TARBP1: variants seen among roughly 807,000 people sequenced by gnomAD.
The protein encoded by TARBP1 is tRNA guanosine 2 -O-methyltransferase TARBP1, also known as tRNA (guanosine(18)-2'-O)-methyltransferase TARBP1.
TARBP1 carries 144 observed loss-of-function variants against 178.6 expected under a neutral mutation model. The ratio of observed to expected loss-of-function variants is 0.81; its 90% CI spans 0.70 to 0.93. The LOEUF (loss-of-function observed/expected upper bound fraction) is 0.93, where lower values mean the gene tolerates loss of function less well. TARBP1 is among the 40% of genes least tolerant of loss of function. TARBP1 has a pLI of 0.00. For missense variants in TARBP1, 2,067 were observed against 2,011.7 expected (o/e 1.03, Z -0.53); for synonymous variants, 787 against 781.0 (o/e 1.01, Z -0.13).
At chr1:234,468,335 T>TC (rs1328254419) in intron 3 of TARBP1, among the ~76,000 whole-genome samples, 1 of 152,000 alleles carries the variant, frequency 6.6e-6, no homozygotes, top group Non-Finnish European at 1.5e-5. Context: ...ATGCCTGTAA[T>TC]CCCAGCTACT....
intron 12 of TARBP1, among the ~76,000 whole-genome samples, chr1:234,441,789 T>C (rs1162112570): frequency 6.6e-6 from 1 of 152,230 alleles, no homozygotes; most frequent in Non-Finnish European, 1.5e-5. Context: ...ACATTTCATT[T>C]AAATGAGATC....
At chr1:234,398,116 C>A in intron 26 of TARBP1, 1 of 234,266 alleles carries the variant, frequency 4.3e-6, no homozygotes, top group Admixed American at 5.5e-5. Flanking sequence ...AAAAGGGAGG[C>A]CACTGGCCAT....
chr1:234,417,501 T>C (rs1189404248), intron 22 of TARBP1, among the ~76,000 whole-genome samples: 1 of 152,198 alleles, frequency 6.6e-6, no homozygotes, highest in Non-Finnish European at 1.5e-5. Context: ...ATTCAAGATA[T>C]AGAACTGATT....
chr1:234,462,049 T>G (rs1667911637), intron 6 of TARBP1, among the ~76,000 whole-genome samples: 1 of 152,262 alleles, frequency 6.6e-6, no homozygotes. Context: ...TGTGAATGAA[T>G]GTTTTAATTG....
chr1:234,399,938 A>C (rs914050113), intron 25 of TARBP1, among the ~76,000 whole-genome samples: 51 of 151,912 alleles, frequency 3.4e-4, no homozygotes, highest in African/African-American at 1.0e-3. Context: ...CTAATGCTAG[A>C]TGACGAGTTG....
chr1:234,412,544 T>C (rs1661941290), intron 22 of TARBP1, among the ~76,000 whole-genome samples: 1 of 151,854 alleles, frequency 6.6e-6, no homozygotes, highest in Admixed American at 6.6e-5. Flanking sequence ...TGGCAGGTGC[T>C]TGTAGTCCCA....
Position 234,412,806 on chromosome 1 carries a change from G to T in TARBP1, c.3706-2275C>A, listed in dbSNP as rs553563183. ...GTGATAAGCAGGAAAGACTGAAAAG[G>T]TCAGTGTGGTACTCAGTTATCTCGG... is the stretch of plus-strand genomic sequence containing the variant. On this transcript the variant is annotated intron_variant, in intron 22 of 29. Transcript: ENST00000040877. Among the ~76,000 whole-genome samples the T allele has an allele frequency of 1.4e-4, 22 of 152,264 alleles. No individual in the cohort carries two copies. The South Asian group carries it at 3.9e-3, about 27-fold the overall frequency.
At chr1:234,395,674 G>A (rs1387657019) in intron 26 of TARBP1, among the ~76,000 whole-genome samples, 1 of 152,222 alleles carries the variant, frequency 6.6e-6, no homozygotes, top group African/African-American at 2.4e-5. Context: ...AGCAGATAAG[G>A]ATTTGAAAGT....
chr1:234,465,533 T>A (rs889774436), intron 5 of TARBP1, 123 bp downstream of exon 5: 1 of 777,924 alleles, frequency 1.3e-6, no homozygotes, highest in East Asian at 3.0e-5. Context: ...GACCACATGA[T>A]AAGAAAAACT....
In TARBP1 at chr1:234,478,479, C is replaced by G. The variant is rs1480672203; in HGVS notation, c.625G>C (p.Ala209Pro). ...LVQCGGAALR[A>P]VWGGLAAPGA... ...GGCGCGGCCAGCCCGCCCCACACGGCCCGCAGCGCCGCCCCGCCACATTGG... is the reference window on the plus strand; with the variant it reads ...GGCGCGGCCAGCCCGCCCCACACGGGCCGCAGCGCCGCCCCGCCACATTGG... The change falls in exon 1 of 30, where the codon GCC becomes CCC. Residue 209 changes from alanine (A) to proline (P), a missense_variant. By Grantham distance (27) the Ala-to-Pro change is conservative (BLOSUM62 -1). Coordinates refer to ENST00000040877, the MANE Select transcript of TARBP1 (RefSeq NM_005646.4). The G allele has an allele frequency of 2.2e-6, 3 of 1,380,588 alleles. No homozygotes were observed. The highest frequency in any genetic ancestry group is 1.5e-5 in the African/African-American group (1 of 65,714). 85.5% of individuals were successfully genotyped at this position (1,380,588 alleles called of 1,614,324 possible).
chr1:234,421,083 T>TTTTG (rs980208782), intron 20 of TARBP1, among the ~76,000 whole-genome samples: 2 of 152,128 alleles, frequency 1.3e-5, no homozygotes, highest in African/African-American at 2.4e-5. Context: ...CTTACATGTT[T>TTTTG]TTTGTTTGTT....
chr1:234,431,712 G>A (rs758615649), intron 14 of TARBP1, among the ~76,000 whole-genome samples: 1 of 152,176 alleles, frequency 6.6e-6, no homozygotes, highest in Non-Finnish European at 1.5e-5. Context: ...CCATTTTGCA[G>A]GTGCAGTAAA....
Position 234,478,845 on chromosome 1 carries a change from T to A in TARBP1, c.259A>T (p.Ser87Cys). Residue 87 changes from serine to cysteine, a missense_variant, in exon 1 of 30, where the codon AGT (serine) becomes TGT (cysteine). Physicochemically the swap from Ser to Cys is moderately radical, Grantham distance 112. Coordinates refer to ENST00000040877, the MANE Select transcript of TARBP1 (RefSeq NM_005646.4). ...CGCCGGCGGTGGCGAGGCTGCAGAC[T>A]GGGGTCCGGGCCGCCCGCGGGGCGT... Reference protein sequence around the residue: ...RGRPAGGPDPSLQPRHRRRVL... With the variant: ...RGRPAGGPDPCLQPRHRRRVL... The A allele has an allele frequency of 8.1e-7, 1 of 1,228,650 alleles. No homozygotes were observed. Among genetic ancestry groups the A allele is most frequent in the South Asian group, 3.3e-5 (1 of 30,336 alleles). The allele number at this position is 1,228,650 out of a possible 1,614,324, so 76.1% of individuals were successfully genotyped here.
At chr1:234,409,756 T>G (rs189941683) in intron 23 of TARBP1, among the ~76,000 whole-genome samples, 128 of 152,370 alleles carry the variant, frequency 8.4e-4, no homozygotes, top group African/African-American at 2.7e-3. Context: ...CTTTCAACAC[T>G]TAATAACACT....
Position 234,437,339 on chromosome 1 carries a change from A to C in TARBP1, c.2168T>G (p.Met723Arg). The C allele has an allele frequency of 6.3e-7, 1 of 1,595,788 alleles. No individual in the cohort carries two copies. The highest frequency in any genetic ancestry group is 8.5e-7 in the Non-Finnish European group (1 of 1,171,140). Residue 723 changes from methionine to arginine, a missense_variant, in exon 13 of 30, where the codon ATG becomes AGG. By Grantham distance (91) the Met-to-Arg change is moderately conservative. Coordinates refer to ENST00000040877, the MANE Select transcript of TARBP1 (RefSeq NM_005646.4). Reference sequence around the variant, plus strand: ...TTCAGAAATGCTCTCTGTAGTAGACATGAAAAAGTTCTGAAGAACAGTAGA... The same window carrying C: ...TTCAGAAATGCTCTCTGTAGTAGACCTGAAAAAGTTCTGAAGAACAGTAGA... The part of the protein sequence containing the change: ...EVSTVLQNFF[M>R]STTESISEFI...
intron 5 of TARBP1, among the ~76,000 whole-genome samples, chr1:234,465,295 A>G (rs1294582438): frequency 6.6e-6 from 1 of 152,232 alleles, no homozygotes; most frequent in Non-Finnish European, 1.5e-5. Context: ...GTGTAAAACT[A>G]AGTTAAAAGA....
chr1:234,398,580 T>C (rs960780220), intron 25 of TARBP1, 27 bp from the exon 26 acceptor site: 2 of 1,497,014 alleles, frequency 1.3e-6, no homozygotes, highest in Non-Finnish European at 1.8e-6. Context: ...AAAATCTAAA[T>C]TTCTTCCCTT....
intron 9 of TARBP1, among the ~76,000 whole-genome samples, chr1:234,453,060 G>A (rs1248894677): frequency 1.3e-5 from 2 of 152,168 alleles, no homozygotes; most frequent in Admixed American, 1.3e-4. Flanking sequence ...GGGGAAAGGA[G>A]GGATGAACAG....
In TARBP1 at chr1:234,433,517, T is replaced by G. The variant is rs1019044344; in HGVS notation, c.2287A>C (p.Asn763His). The G allele has an allele frequency of 1.9e-6, 3 of 1,613,924 alleles. No individual in the cohort carries two copies. Among genetic ancestry groups the G allele is most frequent in the Non-Finnish European group, 2.5e-6 (3 of 1,180,016 alleles). The change falls in exon 14 of 30, where the codon AAT becomes CAT. Residue 763 changes from asparagine (N) to histidine (H), a missense_variant. By Grantham distance (68) the Asn-to-His change is moderately conservative. Transcript: ENST00000040877. ...TTCCACCCAACCTTCAAATGCAGAT[T>G]TATAAGCTCAGTTAACACCATCAGG... is the stretch of plus-strand genomic sequence containing the variant. ...LYLMVLTELI[N>H]LHLKVGWKRG...
Sources: gnomAD v4.1 joint callset for allele counts (sites outside exome capture counted in the v4.1 genomes callset) on GRCh38, gnomAD v4.1.1 for gene constraint, MANE v1.5 for transcripts, NCBI Gene and HGNC (gene_info 2026-07-23, HGNC 2026-07-21) for gene names.